Variants in ITGA9 observed in about 807,000 individuals in gnomAD.
The protein encoded by ITGA9 is integrin subunit alpha 9.
In ITGA9, 56 loss-of-function variants were observed where a neutral mutation model predicts 127.8. That is an observed-to-expected ratio of 0.44 (90% confidence interval 0.35 to 0.55). ITGA9 has a LOEUF of 0.55. Among genes scored for constraint, ITGA9 ranks in the 20% least tolerant of loss-of-function variants. The pLI is 0.00. For missense variants in ITGA9, 1,196 were observed against 1,347.1 expected, an observed-to-expected ratio of 0.89 and a Z score of 1.76; for synonymous variants, 508 against 514.5, an observed-to-expected ratio of 0.99 and a Z score of 0.17.
chr3:37,818,931 CT>C lies in ITGA9; in HGVS notation c.3051del (p.Glu1018ArgfsTer70). On this transcript the variant is annotated frameshift_variant, in exon 28 of 28. Transcript: ENST00000264741. LOFTEE classifies it high-confidence loss of function. ...CGAAGGTACAAAGAAATTATCGAAG[CT>C]GAGAAGAACCGGAAAGAGAATGAAG... is the stretch of plus-strand genomic sequence containing the variant. ...FRRRYKEIIE[A>X]EKNRKENEDS... 1.2e-6 allele frequency: 2 copies of C among 1,614,150 alleles called. No homozygotes were observed. The highest frequency in any genetic ancestry group is 8.5e-7 in the Non-Finnish European group (1 of 1,179,998).
intron 27 of ITGA9, among the ~76,000 whole-genome samples, chr3:37,816,388 C>A (rs1697432766): frequency 6.6e-6 from 1 of 152,156 alleles, no homozygotes; most frequent in Non-Finnish European, 1.5e-5. Flanking sequence ...CATCAGCAGC[C>A]AAAGGTATGT....
At chr3:37,781,571 A>G (rs563195360) in intron 25 of ITGA9, among the ~76,000 whole-genome samples, 2 of 152,350 alleles carry the variant, frequency 1.3e-5, no homozygotes, top group Non-Finnish European at 2.9e-5. Flanking sequence ...CTCTTGAAGA[A>G]TCATACAAAT....
At chr3:37,605,453 G>A (rs1024853815) in intron 15 of ITGA9, among the ~76,000 whole-genome samples, 1 of 152,136 alleles carries the variant, frequency 6.6e-6, no homozygotes, top group African/African-American at 2.4e-5. Context: ...AGAGTCTGAG[G>A]TGCAAGAAAT....
chr3:37,630,555 G>T (rs940460263), intron 16 of ITGA9, among the ~76,000 whole-genome samples: 2 of 152,210 alleles, frequency 1.3e-5, no homozygotes, highest in Admixed American at 6.5e-5. Flanking sequence ...CTGGCTGTGG[G>T]GGGGAAGGGA....
chr3:37,519,457 A>G (rs947510423), intron 11 of ITGA9, 103 bp downstream of exon 11: 7 of 929,242 alleles, frequency 7.5e-6, no homozygotes, highest in Non-Finnish European at 1.2e-5. Context: ...AAAGAAAAAC[A>G]TTTTTCTTGC....
At chr3:37,538,946 T>TC (rs1699239853) in intron 14 of ITGA9, among the ~76,000 whole-genome samples, 1 of 152,242 alleles carries the variant, frequency 6.6e-6, no homozygotes, top group African/African-American at 2.4e-5. Context: ...ATGCGGTATG[T>TC]CTGTGATTGT....
At chr3:37,505,201 G>T (rs2125571332) in intron 6 of ITGA9, among the ~76,000 whole-genome samples, 1 of 152,264 alleles carries the variant, frequency 6.6e-6, no homozygotes, top group East Asian at 1.9e-4. Context: ...GTCTTGCTGT[G>T]TGATCTTTGG....
intron 26 of ITGA9, chr3:37,790,413 A>G (rs1697094061): frequency 5.6e-5 from 26 of 462,116 alleles, no homozygotes; most frequent in Middle Eastern, 7.1e-4. Context: ...CTCGGTTGGA[A>G]TGCCTGATCC....
At chr3:37,533,619 C>A in intron 14 of ITGA9, 151 bp downstream of exon 14, 1 of 720,860 alleles carries the variant, frequency 1.4e-6, no homozygotes, top group East Asian at 2.7e-5. Flanking sequence ...GAGGTTCCTC[C>A]CCTTCTATTT....
chr3:37,475,173 C>T (rs1488972093), intron 3 of ITGA9, among the ~76,000 whole-genome samples: 1 of 152,234 alleles, frequency 6.6e-6, no homozygotes, highest in African/African-American at 2.4e-5. Flanking sequence ...ACAAATGGGC[C>T]CCAGAGGGGC....
At chr3:37,779,068 T>C (rs1242420183) in intron 24 of ITGA9, among the ~76,000 whole-genome samples, 3 of 152,150 alleles carry the variant, frequency 2.0e-5, no homozygotes, top group Non-Finnish European at 2.9e-5. Flanking sequence ...AAGAAAACTT[T>C]TGTAACTTAA....
chr3:37,580,182 CT>C (rs1001588948), intron 15 of ITGA9, among the ~76,000 whole-genome samples: 1 of 152,088 alleles, frequency 6.6e-6, no homozygotes, highest in Non-Finnish European at 1.5e-5. Context: ...ACTTTTCACT[CT>C]TTTTTTCAAG....
chr3:37,508,976 C>T (rs1698873907), intron 8 of ITGA9, among the ~76,000 whole-genome samples: 1 of 152,164 alleles, frequency 6.6e-6, no homozygotes, highest in Non-Finnish European at 1.5e-5. Context: ...CCAGAGAGAG[C>T]AGATCTTTCT....
chr3:37,756,732 A>G (rs1038530380), intron 23 of ITGA9, among the ~76,000 whole-genome samples: 2 of 152,216 alleles, frequency 1.3e-5, no homozygotes, highest in Non-Finnish European at 2.9e-5. Flanking sequence ...AAATGTGAAC[A>G]TTTACAAATT....
intron 18 of ITGA9, among the ~76,000 whole-genome samples, chr3:37,730,666 TACG>T (rs1185729163): frequency 6.6e-6 from 1 of 152,218 alleles, no homozygotes; most frequent in African/African-American, 2.4e-5. Flanking sequence ...TGGTGTGTGA[TACG>T]ACAACTCAGC....
chr3:37,720,781 G>A (rs1240450377), intron 18 of ITGA9, among the ~76,000 whole-genome samples: 2 of 152,124 alleles, frequency 1.3e-5, no homozygotes, highest in African/African-American at 4.8e-5. Context: ...CCAGGATTTA[G>A]GGGAGTGTTT....
intron 15 of ITGA9, among the ~76,000 whole-genome samples, chr3:37,549,675 A>G (rs1346133070): frequency 6.6e-6 from 1 of 152,194 alleles, no homozygotes; most frequent in Admixed American, 6.5e-5. Flanking sequence ...TTCTGCCTCA[A>G]ACCTTGAACT....
At chr3:37,520,455 C>T (rs891744038) in intron 11 of ITGA9, among the ~76,000 whole-genome samples, 2 of 152,178 alleles carry the variant, frequency 1.3e-5, no homozygotes, top group African/African-American at 4.8e-5. Flanking sequence ...TCATAAGTGG[C>T]AGTATGGCCA....
chr3:37,540,340 CTT>C (rs1699252963), intron 14 of ITGA9, among the ~76,000 whole-genome samples: 1 of 152,218 alleles, frequency 6.6e-6, no homozygotes, highest in Non-Finnish European at 1.5e-5. Context: ...GTAGCCATGA[CTT>C]TGCTTAAGCG....
Sources: allele counts gnomAD v4.1 joint callset (sites outside exome capture counted in the v4.1 genomes callset), GRCh38; gene constraint gnomAD v4.1.1; transcripts MANE v1.5; gene names NCBI Gene and HGNC (gene_info 2026-07-23, HGNC 2026-07-21).